CIMIP7: variants seen among roughly 807,000 people sequenced by gnomAD.
CIMIP7 encodes uncharacterized protein C3orf84.
At chr3:49,181,414 G>T in the CIMIP7 span, among the ~76,000 whole-genome samples, 9 of 151,716 alleles carry the variant, frequency 5.9e-5, 1 homozygote, top group South Asian at 1.9e-3. Context: ...ACTTTGAGAG[G>T]CCAAGGAGGA....
chr3:49,179,736 C>T, the CIMIP7 span, among the ~76,000 whole-genome samples: 1 of 152,222 alleles, frequency 6.6e-6, no homozygotes, highest in African/African-American at 2.4e-5. Flanking sequence ...TCTCATGCCC[C>T]GCCATTAAAC....
At chr3:49,190,445 G>A in the CIMIP7 span, among the ~76,000 whole-genome samples, 1 of 151,804 alleles carries the variant, frequency 6.6e-6, no homozygotes, top group Non-Finnish European at 1.5e-5. Context: ...TCAGGGGTGT[G>A]GTCCTTCCCT....
chr3:49,191,537 A>G, the CIMIP7 span: 3 of 688,078 alleles, frequency 4.4e-6, no homozygotes, highest in South Asian at 4.5e-5. Flanking sequence ...TCAGGAGACC[A>G]TGATGCATGG....
the CIMIP7 span, among the ~76,000 whole-genome samples, chr3:49,181,323 CAG>C: frequency 1.0e-4 from 13 of 128,360 alleles, no homozygotes; most frequent in Admixed American, 4.5e-4. Flanking sequence ...GCCTTGGCAA[CAG>C]AGAGACTCTA....
the CIMIP7 span, among the ~76,000 whole-genome samples, chr3:49,186,692 C>A: frequency 6.6e-6 from 1 of 152,174 alleles, no homozygotes; most frequent in East Asian, 1.9e-4. Context: ...CGTGAGCCAC[C>A]GCACCCAGCC....
the CIMIP7 span, chr3:49,178,108 G>A: frequency 6.8e-7 from 1 of 1,475,458 alleles, no homozygotes; most frequent in Admixed American, 2.1e-5. Context: ...ACCTTCTTGG[G>A]CCCCTCCTAA....
chr3:49,178,579 T>G, the CIMIP7 span: 12 of 1,570,162 alleles, frequency 7.6e-6, no homozygotes, highest in Non-Finnish European at 1.0e-5. Flanking sequence ...GGGAAAATGA[T>G]GCTTATTTAC....
At chr3:49,178,653 C>T in the CIMIP7 span, 1 of 785,294 alleles carries the variant, frequency 1.3e-6, no homozygotes. Context: ...GAGCCACTGC[C>T]CCTAAGCTGC....
chr3:49,188,960 G>A, the CIMIP7 span, among the ~76,000 whole-genome samples: 5 of 150,934 alleles, frequency 3.3e-5, no homozygotes, highest in Admixed American at 6.6e-5. Flanking sequence ...CACCATGCCC[G>A]GTTATTTTTT....
the CIMIP7 span, chr3:49,178,125 G>A: frequency 7.2e-7 from 1 of 1,382,622 alleles, no homozygotes; most frequent in Non-Finnish European, 9.7e-7. Flanking sequence ...CTAACCCCAA[G>A]TCTGCTTGGT....
chr3:49,178,535 G>C, the CIMIP7 span: 6 of 1,613,084 alleles, frequency 3.7e-6, no homozygotes, highest in Non-Finnish European at 4.2e-6. Context: ...CGCTGCGCCG[G>C]CTCCTTGAAA....
the CIMIP7 span, among the ~76,000 whole-genome samples, chr3:49,178,692 C>T: frequency 6.6e-6 from 1 of 151,286 alleles, no homozygotes; most frequent in South Asian, 2.1e-4. Flanking sequence ...AGGGCAGAGA[C>T]TAATTAAAGC....
chr3:49,180,259 GAA>G, the CIMIP7 span, among the ~76,000 whole-genome samples: 1 of 148,106 alleles, frequency 6.8e-6, no homozygotes, highest in African/African-American at 2.5e-5. Flanking sequence ...CTGGGCAACA[GAA>G]AAAAAAAAAT....
At chr3:49,189,846 C>G in the CIMIP7 span, 1 of 745,902 alleles carries the variant, frequency 1.3e-6, no homozygotes, top group South Asian at 1.4e-5. Flanking sequence ...CAGTTTGGCA[C>G]TCACTCTTTT....
At chr3:49,179,824 C>A in the CIMIP7 span, among the ~76,000 whole-genome samples, 3 of 152,216 alleles carry the variant, frequency 2.0e-5, no homozygotes, top group Non-Finnish European at 4.4e-5. Flanking sequence ...CCTGACACAG[C>A]TCAATAAATG....
At chr3:49,180,038 C>G in the CIMIP7 span, among the ~76,000 whole-genome samples, 1 of 152,080 alleles carries the variant, frequency 6.6e-6, no homozygotes, top group African/African-American at 2.4e-5. Context: ...TTTGGGAGGC[C>G]GAGGCGGACA....
At chr3:49,181,845 G>A in the CIMIP7 span, among the ~76,000 whole-genome samples, 1 of 152,216 alleles carries the variant, frequency 6.6e-6, no homozygotes, top group Non-Finnish European at 1.5e-5. Flanking sequence ...CAAGACTGAA[G>A]CCGCGGACCC....
At chr3:49,184,574 C>G in the CIMIP7 span, among the ~76,000 whole-genome samples, 1 of 151,980 alleles carries the variant, frequency 6.6e-6, no homozygotes, top group Non-Finnish European at 1.5e-5. Flanking sequence ...ACTGCCTTGG[C>G]TTCCCAAAGT....
chr3:49,189,780 C>T, the CIMIP7 span: 7 of 633,812 alleles, frequency 1.1e-5, no homozygotes, highest in South Asian at 1.0e-4. Context: ...TAGCTACCCA[C>T]CCCGGCTAGG....
Sources: gnomAD v4.1 joint callset for allele counts (sites outside exome capture counted in the v4.1 genomes callset) on GRCh38, gnomAD v4.1.1 for gene constraint, MANE v1.5 for transcripts, NCBI Gene and HGNC (gene_info 2026-07-23, HGNC 2026-07-21) for gene names.